Variants in MAF observed in about 807,000 individuals in gnomAD.
MAF encodes transcription factor Maf.
Under a neutral mutation model 22.0 loss-of-function variants are expected in MAF, and 10 were observed. The observed-to-expected ratio is 0.45, with a 90% confidence interval of 0.28 to 0.77. The LOEUF is 0.77. Among genes scored for constraint, MAF ranks in the 30% least tolerant of loss-of-function variants. The probability of loss-of-function intolerance (pLI) is 0.12; values close to 1 mark genes in which losing one functional copy is unlikely to be tolerated. For missense variants in MAF, 544 were observed against 548.4 expected (o/e 0.99, Z 0.08); for synonymous variants, 337 against 255.8 (o/e 1.32, Z -3.03).
chr16:79,389,801 G>A, the MAF span, among the ~76,000 whole-genome samples: 18 of 150,752 alleles, frequency 1.2e-4, no homozygotes, highest in Admixed American at 2.6e-4. Context: ...ATGGTGAAAC[G>A]CCCTCTCTAC....
At chr16:79,553,831 G>A in the MAF span, among the ~76,000 whole-genome samples, 27 of 152,268 alleles carry the variant, frequency 1.8e-4, no homozygotes, top group African/African-American at 6.5e-4. Flanking sequence ...GCTCATGCCT[G>A]TAATCCCAGC....
At chr16:79,435,058 A>T in the MAF span, among the ~76,000 whole-genome samples, 3 of 152,174 alleles carry the variant, frequency 2.0e-5, no homozygotes, top group African/African-American at 7.2e-5. Flanking sequence ...GAGTTGACAC[A>T]TCCCATCAAC....
At chr16:79,482,009 A>C in the MAF span, among the ~76,000 whole-genome samples, 2 of 152,204 alleles carry the variant, frequency 1.3e-5, no homozygotes, top group Non-Finnish European at 2.9e-5. Flanking sequence ...ATGGATGATG[A>C]AAGCAAAAAC....
At chr16:79,256,683 C>G in the MAF span, among the ~76,000 whole-genome samples, 1 of 152,154 alleles carries the variant, frequency 6.6e-6, no homozygotes, top group Non-Finnish European at 1.5e-5. Flanking sequence ...TTCTGAGTTC[C>G]AGACACTGCC....
At chr16:79,436,297 G>A in the MAF span, among the ~76,000 whole-genome samples, 1 of 152,148 alleles carries the variant, frequency 6.6e-6, no homozygotes, top group Admixed American at 6.5e-5. Context: ...TGGCCAGACT[G>A]GTCTTGAACT....
chr16:79,429,602 CTGT>C, the MAF span, among the ~76,000 whole-genome samples: 6 of 152,178 alleles, frequency 3.9e-5, no homozygotes, highest in African/African-American at 1.4e-4. Context: ...TCAGACCCCA[CTGT>C]GAGCAGCAAA....
the MAF span, among the ~76,000 whole-genome samples, chr16:79,284,543 C>T: frequency 3.9e-5 from 6 of 152,140 alleles, no homozygotes; most frequent in East Asian, 5.8e-4. Flanking sequence ...ATTTCTAGTT[C>T]GGCAGATGTC....
At chr16:79,289,148 C>T in the MAF span, among the ~76,000 whole-genome samples, 26 of 152,160 alleles carry the variant, frequency 1.7e-4, no homozygotes, top group Non-Finnish European at 8.8e-5. Flanking sequence ...GAAAATGTCA[C>T]TCGATTCTCA....
the MAF span, among the ~76,000 whole-genome samples, chr16:79,271,306 C>G: frequency 1.3e-4 from 1 of 7,980 alleles, no homozygotes; most frequent in Admixed American, 1.6e-3. Context: ...TCACAAGGCA[C>G]ATAACCTCCA....
the MAF span, among the ~76,000 whole-genome samples, chr16:79,284,027 C>T: frequency 6.7e-6 from 1 of 149,052 alleles, no homozygotes; most frequent in Admixed American, 6.7e-5. Context: ...AACAAGGGTC[C>T]TTTTAGCACA....
At chr16:79,232,922 G>A in the MAF span, among the ~76,000 whole-genome samples, 4 of 146,228 alleles carry the variant, frequency 2.7e-5, no homozygotes, top group African/African-American at 1.0e-4. Flanking sequence ...CTCACTGCAA[G>A]CTCTGCCTCC....
the MAF span, among the ~76,000 whole-genome samples, chr16:79,324,069 C>A: frequency 1.3e-5 from 2 of 152,172 alleles, no homozygotes; most frequent in Non-Finnish European, 1.5e-5. Context: ...TACAACAGAG[C>A]ATGCTCTCAG....
the MAF span, among the ~76,000 whole-genome samples, chr16:79,306,173 C>T: frequency 6.6e-6 from 1 of 152,214 alleles, no homozygotes; most frequent in Non-Finnish European, 1.5e-5. Flanking sequence ...ATAAATTCCC[C>T]TGAAATGAGA....
chr16:79,487,026 A>C, the MAF span, among the ~76,000 whole-genome samples: 1 of 152,048 alleles, frequency 6.6e-6, no homozygotes, highest in Non-Finnish European at 1.5e-5. Flanking sequence ...TCGAGGTGAG[A>C]GAGGTTGGGG....
At chr16:79,325,084 C>T in the MAF span, among the ~76,000 whole-genome samples, 2 of 152,112 alleles carry the variant, frequency 1.3e-5, no homozygotes, top group East Asian at 1.9e-4. Context: ...TAACCCAATC[C>T]GGGATGGTCT....
At chr16:79,386,177 C>A in the MAF span, among the ~76,000 whole-genome samples, 1 of 152,156 alleles carries the variant, frequency 6.6e-6, no homozygotes. Flanking sequence ...GGATGATTCA[C>A]GTGCATTACA....
At chr16:79,335,110 G>A in the MAF span, among the ~76,000 whole-genome samples, 67 of 151,452 alleles carry the variant, frequency 4.4e-4, no homozygotes, top group Non-Finnish European at 7.5e-4. Context: ...GCTTGAAACT[G>A]GGAGGCAGAT....
At chr16:79,296,884 G>C in the MAF span, among the ~76,000 whole-genome samples, 2 of 152,140 alleles carry the variant, frequency 1.3e-5, no homozygotes, top group Admixed American at 1.3e-4. Context: ...TCGTTCATTT[G>C]CTCTCAATGC....
chr16:79,234,010 G>A, the MAF span, among the ~76,000 whole-genome samples: 2 of 150,116 alleles, frequency 1.3e-5, no homozygotes, highest in East Asian at 1.9e-4. Context: ...AAAAAAGAGA[G>A]TAAGTGTATA....
Sources: gnomAD v4.1 joint callset for allele counts (sites outside exome capture counted in the v4.1 genomes callset) on GRCh38, gnomAD v4.1.1 for gene constraint, MANE v1.5 for transcripts, NCBI Gene and HGNC (gene_info 2026-07-23, HGNC 2026-07-21) for gene names.